MECOM: variants seen among roughly 807,000 people sequenced by gnomAD.
MECOM encodes the protein histone-lysine N-methyltransferase MECOM.
MECOM carries 13 observed loss-of-function variants against 116.3 expected under a neutral mutation model. The observed-to-expected ratio is 0.11, with a 90% CI of 0.07 to 0.18. The LOEUF (loss-of-function observed/expected upper bound fraction) is 0.18, where lower values mean the gene tolerates loss of function less well. Among genes scored for constraint, MECOM ranks in the 10% least tolerant of loss-of-function variants. The pLI is 1.00. For synonymous variants in MECOM, 528 were observed against 535.2 expected (o/e 0.99, Z 0.19); for missense variants, 1,299 against 1,509.0 (o/e 0.86, Z 2.31).
At chr3:169,500,385 A>G (rs1014737431) in intron 1 of MECOM, among the ~76,000 whole-genome samples, 2 of 152,034 alleles carry the variant, frequency 1.3e-5, no homozygotes. Context: ...TTGATTATTC[A>G]GCTATGAATA....
intron 12 of MECOM, among the ~76,000 whole-genome samples, chr3:169,099,385 G>A (rs191327036): frequency 3.2e-4 from 48 of 152,204 alleles, no homozygotes; most frequent in South Asian, 6.2e-4. Context: ...TTTCTCAAAA[G>A]GGGAAATCAT....
intron 2 of MECOM, among the ~76,000 whole-genome samples, chr3:169,256,935 GA>G (rs2149598865): frequency 6.6e-6 from 1 of 152,286 alleles, no homozygotes; most frequent in African/African-American, 2.4e-5. Flanking sequence ...TGATTCTTCT[GA>G]AATAAGTTTT....
At chr3:169,322,526 C>T (rs1351855840) in intron 2 of MECOM, among the ~76,000 whole-genome samples, 1 of 152,076 alleles carries the variant, frequency 6.6e-6, no homozygotes, top group African/African-American at 2.4e-5. Context: ...CTGACCAAGA[C>T]TTATCAGGAT....
intron 1 of MECOM, among the ~76,000 whole-genome samples, chr3:169,557,842 G>A (rs1057515039): frequency 4.6e-5 from 7 of 152,142 alleles, no homozygotes; most frequent in African/African-American, 1.7e-4. Flanking sequence ...TAACCATCAT[G>A]CAGCTTCTAG....
In MECOM at chr3:169,126,290, T is replaced by C. The variant is rs529448679; in HGVS notation, c.830+1554A>G. Among the ~76,000 whole-genome samples the C allele has an allele frequency of 2.0e-5, 3 of 152,236 alleles. No individual in the cohort carries two copies. The South Asian group carries it at 6.2e-4, about 32-fold the overall frequency. ...TACACTCTTAGTAGAAAGTAAGAAT[T>C]ACATTTTAGTGTTTAGTTGGTCAAT... is the stretch of plus-strand genomic sequence containing the variant. On this transcript the variant is annotated intron_variant, in intron 5 of 16. Transcript: ENST00000651503.
chr3:169,177,281 C>T (rs1368183479), intron 2 of MECOM, among the ~76,000 whole-genome samples: 1 of 152,154 alleles, frequency 6.6e-6, no homozygotes, highest in Non-Finnish European at 1.5e-5. Flanking sequence ...GAATACTATG[C>T]AGCCTTAAAA....
At chr3:169,548,971 C>CTTTTTT (rs756925389) in intron 1 of MECOM, among the ~76,000 whole-genome samples, 1 of 119,100 alleles carries the variant, frequency 8.4e-6, no homozygotes. Flanking sequence ...ATTTGTCTCT[C>CTTTTTT]TTTTTTTTTT....
chr3:169,617,169 A>C (rs1770115570), intron 1 of MECOM, among the ~76,000 whole-genome samples: 1 of 152,196 alleles, frequency 6.6e-6, no homozygotes, highest in Non-Finnish European at 1.5e-5. Context: ...AAAAGTCTAG[A>C]CTTCTTCAAT....
At chr3:169,273,473 A>G (rs958140536) in intron 2 of MECOM, among the ~76,000 whole-genome samples, 3 of 152,198 alleles carry the variant, frequency 2.0e-5, no homozygotes, top group African/African-American at 7.2e-5. Context: ...GGAAGAGAAA[A>G]GGAATTCAAC....
At chr3:169,450,073 G>A (rs1035162335) in intron 1 of MECOM, among the ~76,000 whole-genome samples, 4 of 152,160 alleles carry the variant, frequency 2.6e-5, no homozygotes, top group African/African-American at 7.2e-5. Context: ...TTCTTACTCT[G>A]TCTAGGGAAT....
intron 1 of MECOM, among the ~76,000 whole-genome samples, chr3:169,536,966 G>A (rs1759444916): frequency 6.6e-6 from 1 of 152,114 alleles, no homozygotes; most frequent in African/African-American, 2.4e-5. Flanking sequence ...CTGAGAAGTT[G>A]TTGCTAGCAC....
At chr3:169,575,926 C>A (rs115487980) in intron 1 of MECOM, among the ~76,000 whole-genome samples, 1 of 152,022 alleles carries the variant, frequency 6.6e-6, no homozygotes, top group East Asian at 1.9e-4. Context: ...CCCTGTAAAC[C>A]GTACAAATTC....
rs544602543 is a variant in MECOM, at chr3:169,322,417, A to G, written c.375+58770T>C. On this transcript the variant is annotated intron_variant, in intron 2 of 16. Transcript: ENST00000651503. Reference sequence around the variant, plus strand: ...TCTTTTGTATACCGCTTTATTCTCCATACTCATTGACCTCCTTGGCAGCTC... The same window carrying G: ...TCTTTTGTATACCGCTTTATTCTCCGTACTCATTGACCTCCTTGGCAGCTC... Among the ~76,000 whole-genome samples, 58 of 152,240 alleles carry G rather than the reference A, an allele frequency of 3.8e-4. 1 individual carries two copies. In the South Asian group the frequency reaches 9.8e-3, roughly 26 times the overall value.
intron 2 of MECOM, among the ~76,000 whole-genome samples, chr3:169,374,585 C>T (rs775563989): frequency 2.6e-5 from 4 of 151,962 alleles, no homozygotes; most frequent in Non-Finnish European, 5.9e-5. Flanking sequence ...AAGAAGTTCA[C>T]CCCAGAAGCC....
intron 2 of MECOM, among the ~76,000 whole-genome samples, chr3:169,170,014 AC>A (rs1213958991): frequency 2.0e-5 from 3 of 152,208 alleles, no homozygotes; most frequent in Non-Finnish European, 4.4e-5. Flanking sequence ...TATTTCATAT[AC>A]ATGCCTACAA....
chr3:169,145,188 A>AAACTCTTCTTTTT (rs1739471347), intron 2 of MECOM: 1 of 81,100 alleles, frequency 1.2e-5, no homozygotes, highest in African/African-American at 4.1e-4. Context: ...ACACACACAC[A>AAACTCTTCTTTTT]CAGAGAGAAA....
chr3:169,620,225 GT>G (rs777031785), intron 1 of MECOM, among the ~76,000 whole-genome samples: 1 of 152,108 alleles, frequency 6.6e-6, no homozygotes, highest in Non-Finnish European at 1.5e-5. Context: ...TTTTCAACAG[GT>G]TTATTTCCAT....
At chr3:169,660,145 G>A (rs911347523) in intron 1 of MECOM, among the ~76,000 whole-genome samples, 10 of 152,158 alleles carry the variant, frequency 6.6e-5, no homozygotes, top group Non-Finnish European at 5.9e-5. Context: ...CATAGCAACT[G>A]GCATTTCTGG....
At chr3:169,642,355 G>A (rs1773595784) in intron 1 of MECOM, among the ~76,000 whole-genome samples, 1 of 151,676 alleles carries the variant, frequency 6.6e-6, no homozygotes, top group Admixed American at 6.6e-5. Flanking sequence ...AAAATAGTCG[G>A]GTAACTGATA....
Sources: gnomAD v4.1 joint callset for allele counts (sites outside exome capture counted in the v4.1 genomes callset) on GRCh38, gnomAD v4.1.1 for gene constraint, MANE v1.5 for transcripts, NCBI Gene and HGNC (gene_info 2026-07-23, HGNC 2026-07-21) for gene names.